Variants in ADAM18 observed in about 807,000 individuals in gnomAD.
The protein encoded by ADAM18 is disintegrin and metalloproteinase domain-containing protein 18.
In ADAM18, 117 loss-of-function variants were observed where a neutral mutation model predicts 94.4. The observed-to-expected ratio is 1.24, with a 90% CI of 1.07 to 1.45. The LOEUF (loss-of-function observed/expected upper bound fraction) is 1.45. Ranked by LOEUF, ADAM18 falls within the 40% of genes most tolerant of loss-of-function variation. The probability of loss-of-function intolerance (pLI) is 0.00; values close to 1 mark genes in which losing one functional copy is unlikely to be tolerated. For missense variants in ADAM18, 936 were observed against 880.0 expected, an observed-to-expected ratio of 1.06 and a Z score of -0.81; for synonymous variants, 327 against 291.6, an observed-to-expected ratio of 1.12 and a Z score of -1.24.
intron 18 of ADAM18, among the ~76,000 whole-genome samples, chr8:39,713,179 A>G (rs569088878): frequency 3.9e-5 from 6 of 152,242 alleles, no homozygotes; most frequent in African/African-American, 1.4e-4. Context: ...GACAAAAACA[A>G]GAAATGGGGA....
At chr8:39,621,484 T>G (rs893911403) in intron 6 of ADAM18, among the ~76,000 whole-genome samples, 12 of 151,904 alleles carry the variant, frequency 7.9e-5, no homozygotes, top group African/African-American at 2.9e-4. Context: ...TTTTTAAGTA[T>G]AAAATATGGA....
chr8:39,621,308 ATCAC>A (rs1318049599), intron 6 of ADAM18, among the ~76,000 whole-genome samples: 1 of 103,374 alleles, frequency 9.7e-6, no homozygotes, highest in Non-Finnish European at 2.0e-5. Flanking sequence ...GCATGACAAA[ATCAC>A]ACACACACAC....
chr8:39,584,972 C>G (rs1563262542), intron 1 of ADAM18, among the ~76,000 whole-genome samples: 1 of 152,280 alleles, frequency 6.6e-6, no homozygotes, highest in East Asian at 1.9e-4. Context: ...GGAGTACTAA[C>G]TGCCTTCAGC....
intron 10 of ADAM18, among the ~76,000 whole-genome samples, chr8:39,640,093 C>CA (rs1484769484): frequency 6.6e-6 from 1 of 151,930 alleles, no homozygotes; most frequent in Non-Finnish European, 1.5e-5. Context: ...AAAAGTGTGC[C>CA]ATGCTGTTTA....
chr8:39,637,689 A>G lies in ADAM18; in HGVS notation c.813A>G (p.Ile271Met), dbSNP rs541966827. Residue 271 changes from isoleucine to methionine, a missense_variant, in exon 9 of 20, where the codon ATA (isoleucine) becomes ATG (methionine). Ile to Met is a conservative substitution (Grantham distance 10). Transcript: ENST00000265707. ...ATCTCATCCTACGGCCCCATGACAT[A>G]GCATACTTACTTGTGTAAGCACAAT... ...RDYLILRPHD[I>M]AYLLVYRKHP... 2 of 1,604,786 alleles carry G rather than the reference A, an allele frequency of 1.2e-6. No homozygotes were observed. Among genetic ancestry groups the G allele is most frequent in the Admixed American group, 3.4e-5 (2 of 58,360 alleles).
rs181655559 is a variant in ADAM18, at chr8:39,668,748, T to C, written c.1525+552T>C. On this transcript the variant is annotated intron_variant, in intron 14 of 19. Coordinates refer to ENST00000265707, the MANE Select transcript of ADAM18 (RefSeq NM_014237.3). ...TGAGCAATTATTCATAATATCCAAA[T>C]ATAATTTTGTATTTTTAGAGAAATT... Among the ~76,000 whole-genome samples, 765 of 152,206 alleles carry C rather than the reference T, an allele frequency of 5.0e-3. 5 individuals are homozygous for C. Among genetic ancestry groups the C allele is most frequent in the South Asian group, 0.016 (76 of 4,820 alleles).
chr8:39,609,058 A>G lies in ADAM18; in HGVS notation c.205A>G (p.Asn69Asp). Reference sequence around the variant, plus strand: ...GTTTTTTAGATCATTCTTACCCCAGAACTTTTTGGTTTATACATATAATGA... The same window carrying G: ...GTTTTTTAGATCATTCTTACCCCAGGACTTTTTGGTTTATACATATAATGA... ...HLGKQSFLPQ[N>D]FLVYTYNETG... Residue 69 changes from asparagine to aspartate, a missense_variant, in exon 4 of 20, where the codon AAC becomes GAC. Coordinates refer to ENST00000265707, the MANE Select transcript of ADAM18 (RefSeq NM_014237.3). 1 of 1,580,478 alleles carries G rather than the reference A, an allele frequency of 6.3e-7. No individual in the cohort carries two copies. The highest frequency in any genetic ancestry group is 8.6e-7 in the Non-Finnish European group (1 of 1,162,720).
chr8:39,707,806 G>A (rs962657966), intron 18 of ADAM18, among the ~76,000 whole-genome samples: 10 of 152,114 alleles, frequency 6.6e-5, no homozygotes, highest in Admixed American at 2.6e-4. Context: ...GAATATGTAT[G>A]TATTAATATA....
At chr8:39,600,363 A>G (rs1304805112) in intron 2 of ADAM18, among the ~76,000 whole-genome samples, 1 of 152,158 alleles carries the variant, frequency 6.6e-6, no homozygotes. Context: ...TATTTCTGAT[A>G]CTGATTTATA....
chr8:39,679,950 A>G (rs1156442469), intron 15 of ADAM18, 87 bp from the exon 16 acceptor site: 6 of 1,254,178 alleles, frequency 4.8e-6, no homozygotes, highest in Non-Finnish European at 6.8e-6. Flanking sequence ...ATCAATTAAC[A>G]GTATGTTACC....
chr8:39,640,423 CTA>C (rs1820205047), intron 10 of ADAM18, among the ~76,000 whole-genome samples: 3 of 152,084 alleles, frequency 2.0e-5, no homozygotes, highest in Non-Finnish European at 4.4e-5. Flanking sequence ...TTTATCCAGT[CTA>C]TCTTGGTGGC....
At chr8:39,720,361 A>G (rs1822713412) in intron 18 of ADAM18, among the ~76,000 whole-genome samples, 1 of 151,474 alleles carries the variant, frequency 6.6e-6, no homozygotes, top group African/African-American at 2.4e-5. Flanking sequence ...GATTATGGAT[A>G]TATGCATTGT....
Position 39,610,634 on chromosome 8 carries a change from A to T in ADAM18, c.450A>T (p.Val150=). ...AAATGAAAAATAATGATCCAAATGT[A>T]TCCATTTTAGCAGTAAATTACAGTC... is the stretch of plus-strand genomic sequence containing the variant. ...IYQMKNNDPN[V]SILAVNYSHI... is the part of the protein sequence containing the mutation. Residue 150 remains valine, a synonymous_variant, in exon 6 of 20, where the codon GTA becomes GTT. Coordinates refer to ENST00000265707, the MANE Select transcript of ADAM18 (RefSeq NM_014237.3). The T allele has an allele frequency of 6.2e-7, 1 of 1,613,160 alleles. No individual in the cohort carries two copies. The highest frequency in any genetic ancestry group is 8.5e-7 in the Non-Finnish European group (1 of 1,179,412).
At chr8:39,593,037 T>C (rs1018836984) in intron 2 of ADAM18, among the ~76,000 whole-genome samples, 3 of 152,348 alleles carry the variant, frequency 2.0e-5, no homozygotes, top group Non-Finnish European at 4.4e-5. Context: ...TGCATCACCT[T>C]GCATTTTTGT....
chr8:39,659,405 GTA>G (rs1820771592), intron 12 of ADAM18, among the ~76,000 whole-genome samples: 1 of 151,522 alleles, frequency 6.6e-6, no homozygotes, highest in East Asian at 1.9e-4. Flanking sequence ...AAAAAAGCAA[GTA>G]TGTGTGTGAT....
chr8:39,588,233 T>G (rs4734002), intron 2 of ADAM18, among the ~76,000 whole-genome samples: 92,302 of 136,456 alleles, frequency 0.68, 29,181 homozygotes, highest in Non-Finnish European at 0.73. Flanking sequence ...TGTGGGTTTT[T>G]TTTTTTTTTT....
intron 7 of ADAM18, among the ~76,000 whole-genome samples, chr8:39,630,862 A>G (rs1819913404): frequency 6.6e-6 from 1 of 152,002 alleles, no homozygotes. Context: ...TGAAAGGTCC[A>G]GGAATTCTGT....
At chr8:39,630,428 A>G (rs900914144) in intron 7 of ADAM18, among the ~76,000 whole-genome samples, 8 of 151,500 alleles carry the variant, frequency 5.3e-5, no homozygotes, top group African/African-American at 9.7e-5. Flanking sequence ...AACAGGATAG[A>G]ATTGAGAAAG....
intron 18 of ADAM18, among the ~76,000 whole-genome samples, chr8:39,716,699 G>A (rs192194038): frequency 1.3e-5 from 2 of 152,032 alleles, no homozygotes; most frequent in African/African-American, 2.4e-5. Context: ...TTTCGTGTAT[G>A]TATGTTAGGT....
Sources: allele counts gnomAD v4.1 joint callset (sites outside exome capture counted in the v4.1 genomes callset), GRCh38; gene constraint gnomAD v4.1.1; transcripts MANE v1.5; gene names NCBI Gene and HGNC (gene_info 2026-07-23, HGNC 2026-07-21).